RABGAP1L: variants seen among roughly 807,000 people sequenced by gnomAD.
RABGAP1L encodes RAB GTPase activating protein 1 like.
In RABGAP1L, 63 loss-of-function variants were observed where a neutral mutation model predicts 137.7. That is an observed-to-expected ratio of 0.46 (90% CI 0.37 to 0.56). The LOEUF (loss-of-function observed/expected upper bound fraction) is 0.56. RABGAP1L is among the 20% of genes least tolerant of loss of function. The pLI, the probability that RABGAP1L is intolerant of heterozygous loss-of-function variation, is 0.00. For synonymous variants in RABGAP1L, 431 were observed against 433.7 expected (o/e 0.99, Z 0.08); for missense variants, 1,095 against 1,244.0 (o/e 0.88, Z 1.80).
chr1:174,447,890 G>GCCCCCCCCCCCCCC (rs11321562), intron 13 of RABGAP1L, among the ~76,000 whole-genome samples: 32 of 69,622 alleles, frequency 4.6e-4, no homozygotes, highest in Middle Eastern at 6.4e-3. Flanking sequence ...ACCCCTTACC[G>GCCCCCCCCCCCCCC]CCCCCCCCCC....
At chr1:174,857,965 G>A (rs1467096250) in intron 19 of RABGAP1L, among the ~76,000 whole-genome samples, 1 of 152,028 alleles carries the variant, frequency 6.6e-6, no homozygotes, top group Non-Finnish European at 1.5e-5. Context: ...GTTAATTTGG[G>A]GTGAAAAACA....
intron 17 of RABGAP1L, among the ~76,000 whole-genome samples, chr1:174,728,594 C>CTTTTT (rs1294397296): frequency 2.1e-4 from 24 of 114,646 alleles, no homozygotes; most frequent in African/African-American, 4.6e-4. Context: ...CTACCAGTGT[C>CTTTTT]TTTTTTTTTT....
chr1:174,827,264 C>T (rs941910572), intron 19 of RABGAP1L, among the ~76,000 whole-genome samples: 4 of 152,148 alleles, frequency 2.6e-5, no homozygotes, highest in African/African-American at 9.7e-5. Flanking sequence ...CATGGCTTAG[C>T]CTCCTACTGA....
intron 1 of RABGAP1L, among the ~76,000 whole-genome samples, chr1:174,183,857 T>C (rs1004758223): frequency 2.0e-5 from 3 of 150,610 alleles, no homozygotes; most frequent in Non-Finnish European, 4.4e-5. Context: ...ATACAGCCCT[T>C]TCAGATTGGC....
intron 14 of RABGAP1L, among the ~76,000 whole-genome samples, chr1:174,648,575 T>C (rs1219039494): frequency 2.0e-5 from 3 of 151,964 alleles, no homozygotes; most frequent in African/African-American, 7.2e-5. Context: ...CAGACTGTTA[T>C]GATTTCCATT....
At chr1:174,779,810 A>C (rs1227495793) in intron 18 of RABGAP1L, among the ~76,000 whole-genome samples, 1 of 152,064 alleles carries the variant, frequency 6.6e-6, no homozygotes, top group Non-Finnish European at 1.5e-5. Flanking sequence ...ATATTTCCCA[A>C]ATTTAGTTTT....
At chr1:174,322,676 A>C (rs1227334288) in intron 11 of RABGAP1L, among the ~76,000 whole-genome samples, 2 of 152,174 alleles carry the variant, frequency 1.3e-5, no homozygotes, top group Non-Finnish European at 2.9e-5. Flanking sequence ...TCACAGAGTT[A>C]AGCCCTTATT....
At chr1:174,773,577 C>G (rs532072402) in intron 18 of RABGAP1L, among the ~76,000 whole-genome samples, 10 of 152,098 alleles carry the variant, frequency 6.6e-5, no homozygotes, top group African/African-American at 2.2e-4. Context: ...GATAGTTGTC[C>G]CAATTTAAAA....
At chr1:174,885,824 G>A (rs1015867729) in intron 19 of RABGAP1L, among the ~76,000 whole-genome samples, 25 of 151,770 alleles carry the variant, frequency 1.6e-4, no homozygotes, top group African/African-American at 4.6e-4. Flanking sequence ...AAAATTAGCC[G>A]GGCATGGTGG....
At chr1:174,465,009 T>TC (rs1657127161) in intron 13 of RABGAP1L, among the ~76,000 whole-genome samples, 1 of 152,064 alleles carries the variant, frequency 6.6e-6, no homozygotes, top group African/African-American at 2.4e-5. Context: ...TTCCTATTGA[T>TC]CCTATTGACA....
intron 12 of RABGAP1L, among the ~76,000 whole-genome samples, chr1:174,371,531 A>G (rs1386825338): frequency 6.6e-6 from 1 of 152,160 alleles, no homozygotes; most frequent in Non-Finnish European, 1.5e-5. Context: ...CTTTCTGACT[A>G]AAAGTATTAC....
At chr1:174,374,667 G>A (rs1218929468) in intron 12 of RABGAP1L, among the ~76,000 whole-genome samples, 1 of 152,098 alleles carries the variant, frequency 6.6e-6, no homozygotes, top group Admixed American at 6.5e-5. Flanking sequence ...AATACATTAC[G>A]CTTAAACTCA....
At chr1:174,242,139 A>G (rs146423043) in intron 5 of RABGAP1L, among the ~76,000 whole-genome samples, 4 of 152,330 alleles carry the variant, frequency 2.6e-5, no homozygotes, top group Admixed American at 2.6e-4. Context: ...TCTTGCTCAG[A>G]GGCTATATTT....
At chr1:174,188,064 A>C (rs938421540) in intron 1 of RABGAP1L, among the ~76,000 whole-genome samples, 1 of 152,180 alleles carries the variant, frequency 6.6e-6, no homozygotes, top group Admixed American at 6.5e-5. Flanking sequence ...ATGACCAGAA[A>C]TTCTCTGATA....
intron 18 of RABGAP1L, among the ~76,000 whole-genome samples, chr1:174,766,800 T>TG (rs1685705230): frequency 6.6e-6 from 1 of 152,168 alleles, no homozygotes; most frequent in Non-Finnish European, 1.5e-5. Flanking sequence ...CAGCCCATGA[T>TG]GGGGGAAGGT....
chr1:174,943,828 A>G (rs1333920066), intron 19 of RABGAP1L, among the ~76,000 whole-genome samples: 3 of 151,774 alleles, frequency 2.0e-5, no homozygotes, highest in Non-Finnish European at 2.9e-5. Flanking sequence ...GCGAGACTCC[A>G]TCTCAAAAAA....
chr1:174,919,690 C>CA (rs1484342785), intron 19 of RABGAP1L, among the ~76,000 whole-genome samples: 20 of 150,890 alleles, frequency 1.3e-4, no homozygotes, highest in East Asian at 3.9e-4. Flanking sequence ...AGTGTTTCTA[C>CA]AAAAAAAAAT....
chr1:174,462,973 C>G (rs896460459), intron 13 of RABGAP1L, among the ~76,000 whole-genome samples: 47 of 152,196 alleles, frequency 3.1e-4, no homozygotes, highest in African/African-American at 1.1e-3. Context: ...TACCATCTCA[C>G]ACCAGTTAGA....
chr1:174,849,142 A>T (rs1228044312), intron 19 of RABGAP1L, among the ~76,000 whole-genome samples: 1 of 152,064 alleles, frequency 6.6e-6, no homozygotes. Context: ...CTCCCTAGTG[A>T]GATGAACCCG....
Sources: allele counts gnomAD v4.1 joint callset (sites outside exome capture counted in the v4.1 genomes callset), GRCh38; gene constraint gnomAD v4.1.1; transcripts MANE v1.5; gene names NCBI Gene and HGNC (gene_info 2026-07-23, HGNC 2026-07-21).